The following ZNF385D variants were observed in gnomAD, a reference collection of about 807,000 sequenced individuals.
The protein encoded by ZNF385D is zinc finger protein 385D.
Under a neutral mutation model 35.8 loss-of-function variants are expected in ZNF385D, and 15 were observed. The ratio of observed to expected loss-of-function variants is 0.42; its 90% CI spans 0.28 to 0.64. ZNF385D has a LOEUF of 0.64. Ranked by LOEUF, ZNF385D falls within the 30% of genes least tolerant of loss-of-function variation. The probability of loss-of-function intolerance (pLI) is 0.23; values close to 1 mark genes in which losing one functional copy is unlikely to be tolerated. For synonymous variants in ZNF385D, 212 were observed against 186.8 expected, an observed-to-expected ratio of 1.13 and a Z score of -1.10; for missense variants, 474 against 494.6, an observed-to-expected ratio of 0.96 and a Z score of 0.39.
At position 21,416,378 on chromosome 3, in the gene ZNF385D, T is replaced by C. The variant is rs1700561664; in HGVS notation, c.*4836A>G. The C allele has an allele frequency of 1.3e-5, 2 of 152,274 alleles. No individual in the cohort carries two copies. Among genetic ancestry groups the C allele is most frequent in the South Asian group, 4.1e-4 (2 of 4,828 alleles). The allele number at this position is 152,274 out of a possible 1,614,324, so 9.4% of individuals were successfully genotyped here. The stretch of plus-strand genomic sequence containing the variant: ...ATATTTTTCCAGAGTAGAACCTGCC[T>C]TTTGTCACCATTCACATTCTGGTAA... On this transcript the variant is annotated 3_prime_UTR_variant, in exon 8 of 8. Transcript: ENST00000281523.
chr3:21,843,365 G>C (rs1051442859), intron 3 of ZNF385D, among the ~76,000 whole-genome samples: 3 of 151,816 alleles, frequency 2.0e-5, no homozygotes, highest in Non-Finnish European at 4.4e-5. Flanking sequence ...GTGGACCAGG[G>C]GAATTATCCT....
intron 3 of ZNF385D, among the ~76,000 whole-genome samples, chr3:22,018,511 C>A (rs1697023519): frequency 6.6e-6 from 1 of 151,958 alleles, no homozygotes; most frequent in African/African-American, 2.4e-5. Flanking sequence ...ATTTTTTATA[C>A]AAATAACTTT....
chr3:22,187,466 C>T (rs1695714354), intron 2 of ZNF385D, among the ~76,000 whole-genome samples: 1 of 151,856 alleles, frequency 6.6e-6, no homozygotes, highest in Non-Finnish European at 1.5e-5. Context: ...TTTTCTCTCC[C>T]TCTCACCCTA....
At chr3:21,800,877 A>G (rs917683217) in intron 3 of ZNF385D, among the ~76,000 whole-genome samples, 1 of 152,014 alleles carries the variant, frequency 6.6e-6, no homozygotes, top group Non-Finnish European at 1.5e-5. Context: ...TTCTTGCCTA[A>G]TTGCTATGTC....
intron 2 of ZNF385D, among the ~76,000 whole-genome samples, chr3:22,299,519 T>C (rs2125409464): frequency 6.6e-6 from 1 of 151,816 alleles, no homozygotes; most frequent in East Asian, 1.9e-4. Flanking sequence ...AACATCCAAA[T>C]TGGATAGTAA....
chr3:21,467,648 C>G (rs1703604019), intron 4 of ZNF385D, among the ~76,000 whole-genome samples: 1 of 152,116 alleles, frequency 6.6e-6, no homozygotes, highest in Non-Finnish European at 1.5e-5. Context: ...TCCCTGGTAA[C>G]TCAATATCCT....
At chr3:22,032,481 C>T (rs1055299688) in intron 3 of ZNF385D, among the ~76,000 whole-genome samples, 2 of 152,166 alleles carry the variant, frequency 1.3e-5, no homozygotes, top group East Asian at 3.9e-4. Flanking sequence ...CTAATCACCA[C>T]CCACCAGGTT....
chr3:21,432,687 C>T (rs887680847), intron 5 of ZNF385D, among the ~76,000 whole-genome samples: 11 of 151,282 alleles, frequency 7.3e-5, no homozygotes, highest in Non-Finnish European at 1.0e-4. Flanking sequence ...GAAGGGCTTC[C>T]AAATCTCTTT....
At chr3:22,223,369 T>C (rs1698371715) in intron 2 of ZNF385D, among the ~76,000 whole-genome samples, 1 of 152,166 alleles carries the variant, frequency 6.6e-6, no homozygotes, top group African/African-American at 2.4e-5. Flanking sequence ...ACCTACTATG[T>C]ACAGTGTTTA....
rs1701348359 is a variant in ZNF385D at position 22,091,848 on chromosome 3, A to G, written c.325+76969T>C. On this transcript the variant is annotated intron_variant, in intron 3 of 5. Transcript: ENST00000494108. ...TTCTTCCTGTTTTTATTTTATATAC[A>G]AGTGGTAGGTGGTTAACTTTACAAC... Among the ~76,000 whole-genome samples, 2 of 152,176 alleles carry G rather than the reference A, an allele frequency of 1.3e-5. 1 individual carries two copies. The highest frequency in any genetic ancestry group is 4.1e-4 in the South Asian group (2 of 4,834).
intron 2 of ZNF385D, among the ~76,000 whole-genome samples, chr3:21,584,275 G>A (rs937893607): frequency 3.3e-5 from 5 of 151,984 alleles, no homozygotes; most frequent in African/African-American, 9.7e-5. Flanking sequence ...CATTGCACCC[G>A]GCCCATTTAC....
At chr3:21,813,043 G>T (rs900244116) in intron 3 of ZNF385D, among the ~76,000 whole-genome samples, 1 of 152,202 alleles carries the variant, frequency 6.6e-6, no homozygotes, top group African/African-American at 2.4e-5. Context: ...TGCAATATTT[G>T]CTGTTCTGCA....
intron 4 of ZNF385D, among the ~76,000 whole-genome samples, chr3:21,463,080 C>T (rs566913104): frequency 6.6e-6 from 1 of 151,974 alleles, no homozygotes; most frequent in East Asian, 1.9e-4. Context: ...GAAATACAGA[C>T]TTAAAATATT....
At chr3:21,496,753 A>C (rs1265789280) in intron 4 of ZNF385D, among the ~76,000 whole-genome samples, 3 of 151,944 alleles carry the variant, frequency 2.0e-5, no homozygotes, top group Admixed American at 2.0e-4. Context: ...CAACATACAC[A>C]AATCAATAAA....
chr3:21,768,270 A>G (rs1575615593), intron 3 of ZNF385D, among the ~76,000 whole-genome samples: 1 of 152,148 alleles, frequency 6.6e-6, no homozygotes. Flanking sequence ...AGAGCATTAC[A>G]TTATTATTAA....
intron 1 of ZNF385D, among the ~76,000 whole-genome samples, chr3:21,669,890 A>G (rs1023344768): frequency 1.3e-5 from 2 of 152,136 alleles, no homozygotes; most frequent in African/African-American, 4.8e-5. Context: ...AATATATTGA[A>G]ATACTCCATG....
intron 2 of ZNF385D, among the ~76,000 whole-genome samples, chr3:21,636,349 TATG>T (rs2065431748): frequency 7.8e-6 from 1 of 128,992 alleles, no homozygotes; most frequent in Non-Finnish European, 1.7e-5. Context: ...TTTACATATA[TATG>T]ATTATATATG....
chr3:22,253,489 T>G (rs1304991438), intron 2 of ZNF385D, among the ~76,000 whole-genome samples: 1 of 151,984 alleles, frequency 6.6e-6, no homozygotes, highest in Non-Finnish European at 1.5e-5. Context: ...GAGTTTTCAA[T>G]CAATACACTT....
intron 2 of ZNF385D, among the ~76,000 whole-genome samples, chr3:22,279,306 T>C (rs1163465889): frequency 2.0e-5 from 3 of 151,910 alleles, no homozygotes; most frequent in Non-Finnish European, 4.4e-5. Context: ...ATCATTCTTA[T>C]GCCTTTCCGT....
Sources: gnomAD v4.1 joint callset for allele counts (sites outside exome capture counted in the v4.1 genomes callset) on GRCh38, gnomAD v4.1.1 for gene constraint, MANE v1.5 for transcripts, NCBI Gene and HGNC (gene_info 2026-07-23, HGNC 2026-07-21) for gene names.